The following CPS1 variants were observed in gnomAD, a reference collection of about 807,000 sequenced individuals.
CPS1 encodes carbamoyl-phosphate synthase 1.
A neutral mutation model predicts 174.6 loss-of-function variants in CPS1; 109 were observed. The ratio of observed to expected loss-of-function variants is 0.62; its 90% CI spans 0.53 to 0.73. The LOEUF (loss-of-function observed/expected upper bound fraction) is 0.73, where lower values mean the gene tolerates loss of function less well. CPS1 is among the 30% of genes least tolerant of loss of function. The pLI, the probability that CPS1 is intolerant of heterozygous loss-of-function variation, is 0.00. For missense variants in CPS1, 1,689 were observed against 1,821.9 expected (o/e 0.93, Z 1.33); for synonymous variants, 637 against 632.0 (o/e 1.01, Z -0.12).
intron 28 of CPS1, 94 bp downstream of exon 28, chr2:210,650,532 A>G (rs1222796627): frequency 1.1e-6 from 1 of 918,640 alleles, no homozygotes; most frequent in Non-Finnish European, 1.8e-6. Flanking sequence ...TTATCTCTTA[A>G]TGCAACCTTA....
chr2:210,494,317 T>C (rs949413569), intron 1 of CPS1, among the ~76,000 whole-genome samples: 1 of 152,238 alleles, frequency 6.6e-6, no homozygotes, highest in African/African-American at 2.4e-5. Flanking sequence ...ACTAACACTT[T>C]ATAGACTTTA....
chr2:210,576,563 A>G lies in CPS1; in HGVS notation c.381+73A>G, dbSNP rs555071647. 3.2e-4 allele frequency: 501 copies of G among 1,552,514 alleles called. 4 individuals are homozygous for G. The South Asian group carries it at 4.7e-3, about 14-fold the overall frequency. On this transcript the variant is annotated intron_variant, in intron 3 of 37. Transcript: ENST00000233072. ...AGTTGACTTATTCTTAAGAATTAGG[A>G]TGGCCAAACTTTCTTCCTCAATACG... is the stretch of plus-strand genomic sequence containing the variant.
At chr2:210,549,735 C>G (rs1696673241) in intron 1 of CPS1, among the ~76,000 whole-genome samples, 1 of 151,978 alleles carries the variant, frequency 6.6e-6, no homozygotes, top group African/African-American at 2.4e-5. Context: ...TTTCATCCAG[C>G]TATGTAAAAC....
intron 1 of CPS1, among the ~76,000 whole-genome samples, chr2:210,478,421 C>T (rs1012532112): frequency 1.3e-5 from 2 of 152,150 alleles, no homozygotes; most frequent in Non-Finnish European, 2.9e-5. Flanking sequence ...TGGGCTTTAC[C>T]TGTTCCTTTA....
intron 37 of CPS1, 96 bp downstream of exon 37, chr2:210,677,232 T>A: frequency 8.1e-7 from 1 of 1,229,096 alleles, no homozygotes; most frequent in Non-Finnish European, 1.2e-6. Flanking sequence ...TCTTTTCCCC[T>A]CTTTGTAACT....
chr2:210,535,819 G>GTT (rs67369344), intron 1 of CPS1, among the ~76,000 whole-genome samples: 37,910 of 117,924 alleles, frequency 0.32, 6,377 homozygotes, highest in Middle Eastern at 0.45. Flanking sequence ...CTTTTTCCTT[G>GTT]TTTTTTTTTT....
intron 1 of CPS1, among the ~76,000 whole-genome samples, chr2:210,489,820 A>G (rs1172584922): frequency 6.6e-6 from 1 of 152,034 alleles, no homozygotes; most frequent in Non-Finnish European, 1.5e-5. Flanking sequence ...AACATGGTGA[A>G]ACCCCGTCTC....
chr2:210,567,136 G>A (rs1280346721), intron 1 of CPS1, among the ~76,000 whole-genome samples: 2 of 152,086 alleles, frequency 1.3e-5, no homozygotes, highest in Non-Finnish European at 2.9e-5. Flanking sequence ...TACCAGACAT[G>A]CTTAAGAAGT....
chr2:210,551,765 A>G (rs528405874), upstream of CPS1, among the ~76,000 whole-genome samples: 1 of 151,948 alleles, frequency 6.6e-6, no homozygotes, highest in African/African-American at 2.4e-5. Context: ...CAAAATGCCA[A>G]TTGGATCTTA....
At chr2:210,511,026 A>T (rs1695472389) in intron 1 of CPS1, among the ~76,000 whole-genome samples, 2 of 152,154 alleles carry the variant, frequency 1.3e-5, no homozygotes, top group Admixed American at 1.3e-4. Context: ...CCATCCCATT[A>T]CTGGATGTAT....
At chr2:210,589,479 C>T (rs1002584255) in intron 7 of CPS1, among the ~76,000 whole-genome samples, 2 of 151,950 alleles carry the variant, frequency 1.3e-5, no homozygotes, top group Non-Finnish European at 1.5e-5. Context: ...AAAGGTCTGA[C>T]GTGGGCCAAC....
intron 28 of CPS1, among the ~76,000 whole-genome samples, chr2:210,651,750 C>T (rs1321428122): frequency 2.0e-5 from 3 of 152,156 alleles, no homozygotes; most frequent in African/African-American, 7.2e-5. Flanking sequence ...TATCAAACTA[C>T]AGCAGCATCT....
intron 4 of CPS1, among the ~76,000 whole-genome samples, chr2:210,577,940 A>G (rs1697770307): frequency 1.3e-5 from 2 of 152,042 alleles, no homozygotes; most frequent in Non-Finnish European, 2.9e-5. Flanking sequence ...TAATCATTCT[A>G]TGCAATACTT....
intron 35 of CPS1, 83 bp from the exon 36 acceptor site, chr2:210,675,645 C>A: frequency 1.3e-6 from 1 of 773,270 alleles, no homozygotes; most frequent in Non-Finnish European, 2.3e-6. Context: ...GCAATTTCTT[C>A]TTCTTTATGT....
chr2:210,656,101 T>A (rs1700697140), intron 29 of CPS1, among the ~76,000 whole-genome samples: 1 of 152,204 alleles, frequency 6.6e-6, no homozygotes. Flanking sequence ...CTTTGAGACT[T>A]ATTTTTGGTC....
At chr2:210,482,680 G>T (rs1401362638) in intron 1 of CPS1, among the ~76,000 whole-genome samples, 3 of 149,824 alleles carry the variant, frequency 2.0e-5, no homozygotes, top group Non-Finnish European at 3.0e-5. Context: ...GAGAGAAAGA[G>T]AGAGAGAGAG....
chr2:210,633,263 G>A (rs943764956), intron 21 of CPS1, among the ~76,000 whole-genome samples: 1 of 151,792 alleles, frequency 6.6e-6, no homozygotes, highest in Non-Finnish European at 1.5e-5. Flanking sequence ...GTGACAGATG[G>A]CTTTTTTTTT....
intron 1 of CPS1, among the ~76,000 whole-genome samples, chr2:210,483,230 G>C (rs1265184689): frequency 6.6e-6 from 1 of 152,152 alleles, no homozygotes; most frequent in Admixed American, 6.5e-5. Context: ...AAACCTTCCA[G>C]AGCAATTAGT....
intron 1 of CPS1, among the ~76,000 whole-genome samples, chr2:210,538,560 C>T (rs1696319037): frequency 6.6e-6 from 1 of 151,972 alleles, no homozygotes; most frequent in South Asian, 2.1e-4. Context: ...GGTGTTTTCT[C>T]AGGTAATGAC....
Sources: gnomAD v4.1 joint callset for allele counts (sites outside exome capture counted in the v4.1 genomes callset) on GRCh38, gnomAD v4.1.1 for gene constraint, MANE v1.5 for transcripts, NCBI Gene and HGNC (gene_info 2026-07-23, HGNC 2026-07-21) for gene names.